Variants in C1orf141 observed in about 807,000 individuals in gnomAD.
The protein encoded by C1orf141 is uncharacterized protein C1orf141.
C1orf141 carries 19 observed loss-of-function variants against 23.2 expected under a neutral mutation model. The observed-to-expected ratio is 0.82, with a 90% confidence interval of 0.57 to 1.20. The LOEUF (loss-of-function observed/expected upper bound fraction) is 1.20. Ranked by LOEUF, C1orf141 falls within the 50% of genes most tolerant of loss-of-function variation. The pLI is 0.00. For missense variants in C1orf141, 469 were observed against 455.1 expected, an observed-to-expected ratio of 1.03 and a Z score of -0.28; for synonymous variants, 153 against 154.6, an observed-to-expected ratio of 0.99 and a Z score of 0.08.
chr1:67,101,721 G>A (rs1645805301), intron 5 of C1orf141, among the ~76,000 whole-genome samples: 2 of 151,594 alleles, frequency 1.3e-5, no homozygotes, highest in Admixed American at 6.6e-5. Flanking sequence ...ATTCATTTTG[G>A]CCAGGATGAA....
chr1:67,101,267 C>T (rs991860259), intron 5 of C1orf141, among the ~76,000 whole-genome samples: 9 of 152,024 alleles, frequency 5.9e-5, no homozygotes, highest in South Asian at 2.1e-4. Context: ...TAAAGCAATA[C>T]GAGGAAGCCA....
intron 5 of C1orf141, chr1:67,111,766 A>T: frequency 2.3e-6 from 1 of 440,184 alleles, no homozygotes; most frequent in Non-Finnish European, 4.1e-6. Flanking sequence ...ATTTACTTAC[A>T]TATGCATTGC....
Position 67,095,384 on chromosome 1 carries a change from CT to C in C1orf141, c.453del (p.Glu152LysfsTer10). 6.4e-7 allele frequency: 1 copy of C among 1,562,262 alleles called. No individual in the cohort carries two copies. On this transcript the variant is annotated frameshift_variant, in exon 7 of 8. Coordinates refer to ENST00000684719, the MANE Select transcript of C1orf141 (RefSeq NM_001276351.2). LOFTEE classifies it high-confidence loss of function. ...TGATAATTTCTGACCGATTTGTTTT[CT>C]TTTATATTAAAATCGTTCATCTGTG... Reference protein sequence around the residue: ...KSPQMNDFNIKENKSVRNYQL... With the variant: ...KSPQMNDFNIXENKSVRNYQL...
chr1:67,123,891 C>T (rs753810543), intron 4 of C1orf141: 23 of 152,148 alleles, frequency 1.5e-4, no homozygotes, highest in African/African-American at 5.6e-4. Flanking sequence ...GCCCTTCTCA[C>T]TTTGATCCTC....
chr1:67,110,434 G>A (rs1257601546), intron 5 of C1orf141, among the ~76,000 whole-genome samples: 1 of 152,102 alleles, frequency 6.6e-6, no homozygotes, highest in Non-Finnish European at 1.5e-5. Flanking sequence ...ACTAGATAAT[G>A]TTTAAAGTTG....
intron 2 of C1orf141, among the ~76,000 whole-genome samples, chr1:67,130,358 G>A (rs759221450): frequency 1.3e-5 from 2 of 152,120 alleles, no homozygotes; most frequent in African/African-American, 4.8e-5. Context: ...CCCAGTTTGG[G>A]GAACGTATAA....
chr1:67,113,561 C>T (rs899777155), intron 5 of C1orf141: 9 of 338,768 alleles, frequency 2.7e-5, no homozygotes, highest in East Asian at 9.6e-5. Context: ...GACAGGGTTT[C>T]GCCATGTTGG....
At chr1:67,139,260 G>A (rs1286929878), upstream of C1orf141, 1 of 152,166 alleles carries the variant, frequency 6.6e-6, no homozygotes, top group Non-Finnish European at 1.5e-5. Context: ...CAAATGAAAG[G>A]AAACCATAAA....
chr1:67,127,892 C>T (rs1570732644), intron 2 of C1orf141, among the ~76,000 whole-genome samples: 1 of 152,172 alleles, frequency 6.6e-6, no homozygotes, highest in East Asian at 1.9e-4. Flanking sequence ...GTCTCAGCCT[C>T]CCAAAATGCT....
intron 5 of C1orf141, among the ~76,000 whole-genome samples, chr1:67,098,504 G>C (rs1435752271): frequency 6.6e-6 from 1 of 151,738 alleles, no homozygotes; most frequent in Non-Finnish European, 1.5e-5. Flanking sequence ...TAGGCGACAG[G>C]GTGAGACTCA....
intron 6 of C1orf141, chr1:67,095,821 G>C (rs1245570490): frequency 1.1e-5 from 2 of 181,494 alleles, no homozygotes; most frequent in African/African-American, 4.7e-5. Context: ...GGCAGAGACA[G>C]GATATAATTT....
chr1:67,105,315 G>C (rs142389198), intron 5 of C1orf141, among the ~76,000 whole-genome samples: 2 of 101,642 alleles, frequency 2.0e-5, no homozygotes, highest in East Asian at 5.8e-4. Flanking sequence ...AACAGAGCGA[G>C]ACTATTTCTC....
In C1orf141 at chr1:67,125,798, A is replaced by G; in HGVS notation, c.187T>C (p.Ser63Pro). The change falls in exon 4 of 8, where the codon TCA (serine) becomes CCA (proline). Residue 63 changes from serine (S) to proline (P), a missense_variant. Around this residue, in one of 3 missense-constraint regions of C1orf141, gnomAD observed 95 missense variants for 90.3 expected, o/e 1.05. Coordinates refer to ENST00000684719, the MANE Select transcript of C1orf141 (RefSeq NM_001276351.2). ...CATGACTTGTCTTCTTTGATCTTTG[A>G]TATTGCCTTAGACGCGGATGTAGCA... ...ALATSASKAI[S>P]KIKEDKSCSI... is the part of the protein sequence containing the mutation. The G allele has an allele frequency of 6.2e-7, 1 of 1,614,020 alleles. No homozygotes were observed. Among genetic ancestry groups the G allele is most frequent in the Non-Finnish European group, 8.5e-7 (1 of 1,179,916 alleles).
At chr1:67,095,549 C>G in intron 6 of C1orf141, 128 bp from the exon 7 acceptor site, 1 of 566,354 alleles carries the variant, frequency 1.8e-6, no homozygotes, top group Non-Finnish European at 3.0e-6. Flanking sequence ...ACAGACTTTT[C>G]AAACCGACAA....
intron 4 of C1orf141, 149 bp from the exon 5 acceptor site, chr1:67,115,613 G>A (rs1646178469): frequency 2.2e-6 from 1 of 456,286 alleles, no homozygotes; most frequent in East Asian, 3.8e-5. Flanking sequence ...TGAAACATTG[G>A]ACTGATTAAA....
intron 4 of C1orf141, among the ~76,000 whole-genome samples, chr1:67,119,606 T>C (rs552353924): frequency 2.0e-5 from 3 of 152,316 alleles, no homozygotes; most frequent in Admixed American, 2.0e-4. Flanking sequence ...GTTGACTGTT[T>C]GATAGGTAGG....
intron 5 of C1orf141, among the ~76,000 whole-genome samples, chr1:67,100,611 T>G (rs1170530362): frequency 6.6e-6 from 1 of 152,178 alleles, no homozygotes; most frequent in African/African-American, 2.4e-5. Flanking sequence ...CAGCTATCTT[T>G]TAAATTATGA....
intron 4 of C1orf141, among the ~76,000 whole-genome samples, chr1:67,118,873 T>C (rs1646248569): frequency 6.6e-6 from 1 of 152,188 alleles, no homozygotes; most frequent in Admixed American, 6.5e-5. Flanking sequence ...CTGCTGGAAC[T>C]TTGATCTTGG....
chr1:67,131,613 T>C (rs567537475), intron 1 of C1orf141, among the ~76,000 whole-genome samples: 3 of 152,116 alleles, frequency 2.0e-5, no homozygotes, highest in Admixed American at 6.6e-5. Context: ...AGTTTATTCC[T>C]CCTTCCCCTT....
Sources: allele counts gnomAD v4.1 joint callset (sites outside exome capture counted in the v4.1 genomes callset), GRCh38; gene constraint gnomAD v4.1.1; regional missense constraint gnomAD v4.1.1; transcripts MANE v1.5; gene names NCBI Gene and HGNC (gene_info 2026-07-23, HGNC 2026-07-21).